MIPOL1: variants seen among roughly 807,000 people sequenced by gnomAD.
MIPOL1 encodes mirror-image polydactyly gene 1 protein.
A neutral mutation model predicts 60.9 loss-of-function variants in MIPOL1; 57 were observed. The ratio of observed to expected loss-of-function variants is 0.94; its 90% CI spans 0.76 to 1.17. The LOEUF (loss-of-function observed/expected upper bound fraction) is 1.17. Among genes scored for constraint, MIPOL1 ranks in the 50% most tolerant of loss-of-function variants. The pLI is 0.00. For missense variants in MIPOL1, 551 were observed against 511.6 expected (o/e 1.08, Z -0.74); for synonymous variants, 179 against 168.8 (o/e 1.06, Z -0.47).
At chr14:37,403,068 G>T (rs1479087173) in intron 10 of MIPOL1, among the ~76,000 whole-genome samples, 1 of 152,158 alleles carries the variant, frequency 6.6e-6, no homozygotes, top group Non-Finnish European at 1.5e-5. Context: ...GGAAAGGAGG[G>T]CTTCCCAATA....
At chr14:37,254,031 T>C (rs10149217) in intron 3 of MIPOL1, among the ~76,000 whole-genome samples, 83,923 of 151,370 alleles carry the variant, frequency 0.55, 25,183 homozygotes, top group Non-Finnish European at 0.67. Flanking sequence ...AGGACCTAGC[T>C]TAATAGAGTG....
Position 37,336,787 on chromosome 14 carries a change from G to A in MIPOL1, c.828+28268G>A, listed in dbSNP as rs150337440. ...TTTTATTTTTTTATTTTGAGACAGA[G>A]TTTCACTCTGTCGCCCAGGCTAGAG... On this transcript the variant is annotated intron_variant, in intron 9 of 12. Coordinates refer to ENST00000684589, the MANE Select transcript of MIPOL1 (RefSeq NM_001388067.1). 3.9e-5 allele frequency among the ~76,000 whole-genome samples: 6 copies of A among 151,906 alleles called. No individual in the cohort carries two copies. The East Asian group carries it at 1.2e-3, about 29-fold the overall frequency.
At chr14:37,406,351 T>C (rs2093587337) in intron 10 of MIPOL1, among the ~76,000 whole-genome samples, 1 of 152,116 alleles carries the variant, frequency 6.6e-6, no homozygotes, top group South Asian at 2.1e-4. Context: ...GTTCAGGTGA[T>C]GAAGTGTACT....
intron 9 of MIPOL1, among the ~76,000 whole-genome samples, chr14:37,351,333 A>G (rs1324264984): frequency 7.7e-6 from 1 of 129,154 alleles, no homozygotes; most frequent in Non-Finnish European, 1.7e-5. Context: ...GTTGGTTCCA[A>G]GTCTTTGCTA....
Position 37,550,513 on chromosome 14 carries a change from T to TATATATATATATATATATATATATATAC in MIPOL1, c.*3543_*3544insTATATATATATATATATATATATATACA, listed in dbSNP as rs1220895783. The TATATATATATATATATATATATATATAC allele has an allele frequency of 1.4e-5, 2 of 146,378 alleles. No homozygotes were observed. Among genetic ancestry groups the TATATATATATATATATATATATATATAC allele is most frequent in the African/African-American group, 5.1e-5 (2 of 39,434 alleles). The allele number at this position is 146,378 out of a possible 1,614,324, so 9.1% of individuals were successfully genotyped here. On this transcript the variant is annotated 3_prime_UTR_variant, in exon 13 of 13. Coordinates refer to ENST00000684589, the MANE Select transcript of MIPOL1 (RefSeq NM_001388067.1). ...TATTTTACATATATATATATATATA[T>TATATATATATATATATATATATATATAC]ACATGCACACACACCGATACATTTA...
In MIPOL1 at chr14:37,391,401, C is replaced by CT. The variant is rs10656096; in HGVS notation, c.936+21790dup. 8.0e-3 allele frequency among the ~76,000 whole-genome samples: 1,154 copies of CT among 144,912 alleles called. 18 individuals are homozygous for CT. Among genetic ancestry groups the CT allele is most frequent in the African/African-American group, 0.021 (814 of 39,506 alleles). On this transcript the variant is annotated intron_variant, in intron 10 of 12. Coordinates refer to ENST00000684589, the MANE Select transcript of MIPOL1 (RefSeq NM_001388067.1). ...AAATATTGATCTAATGAAGCCTAAT[C>CT]TTTTTTTTTTTTTGAGATAGAGTCT...
At chr14:37,228,821 G>A (rs1372047456) in intron 1 of MIPOL1, among the ~76,000 whole-genome samples, 1 of 152,200 alleles carries the variant, frequency 6.6e-6, no homozygotes, top group Non-Finnish European at 1.5e-5. Flanking sequence ...GCCAGGCACA[G>A]TGGCTCATAC....
chr14:37,524,154 C>T (rs1422113070), intron 12 of MIPOL1, among the ~76,000 whole-genome samples: 1 of 152,080 alleles, frequency 6.6e-6, no homozygotes, highest in Non-Finnish European at 1.5e-5. Flanking sequence ...GGATTTCAAT[C>T]CGGGATATAT....
At chr14:37,234,319 C>G (rs1971083916) in intron 1 of MIPOL1, among the ~76,000 whole-genome samples, 1 of 150,700 alleles carries the variant, frequency 6.6e-6, no homozygotes. Flanking sequence ...GCTTCATCTT[C>G]AATATTGTCT....
chr14:37,382,922 TC>T (rs1270559192), intron 10 of MIPOL1, among the ~76,000 whole-genome samples: 2 of 151,850 alleles, frequency 1.3e-5, no homozygotes, highest in Admixed American at 6.6e-5. Context: ...TATTTAAAAT[TC>T]GATACAAAAA....
At chr14:37,370,634 T>G (rs972312994) in intron 10 of MIPOL1, among the ~76,000 whole-genome samples, 1 of 152,108 alleles carries the variant, frequency 6.6e-6, no homozygotes, top group East Asian at 1.9e-4. Flanking sequence ...AAGTACGAGA[T>G]TTGGTGGAAG....
intron 1 of MIPOL1, among the ~76,000 whole-genome samples, chr14:37,225,990 T>G (rs2153288828): frequency 6.6e-6 from 1 of 152,308 alleles, no homozygotes; most frequent in South Asian, 2.1e-4. Flanking sequence ...TCTAGCCTCT[T>G]GCTAAAACAT....
chr14:37,474,132 ACAGACACATTATAGTTTGTT>A (rs1283995336), intron 11 of MIPOL1, among the ~76,000 whole-genome samples: 1 of 152,140 alleles, frequency 6.6e-6, no homozygotes, highest in African/African-American at 2.4e-5. Context: ...ATTCCATTGT[ACAGACACATTATAGTTTGTT>A]TATATATTCA....
chr14:37,353,973 T>A (rs1318181473), intron 9 of MIPOL1, among the ~76,000 whole-genome samples: 3 of 152,108 alleles, frequency 2.0e-5, no homozygotes, highest in African/African-American at 7.2e-5. Flanking sequence ...TGCTCTTGCT[T>A]TTCTGGTTTT....
intron 1 of MIPOL1, among the ~76,000 whole-genome samples, chr14:37,234,068 TTTC>T (rs1275091728): frequency 2.0e-5 from 3 of 152,214 alleles, no homozygotes; most frequent in Non-Finnish European, 4.4e-5. Flanking sequence ...TTATTTAAAA[TTTC>T]CATTGAAAGC....
rs146610052 is a variant in MIPOL1, at chr14:37,487,338, A to G, written c.1032-12570A>G. Among the ~76,000 whole-genome samples, 463 of 152,172 alleles carry G rather than the reference A, an allele frequency of 3.0e-3. 3 individuals carry two copies. The highest frequency in any genetic ancestry group is 0.01 in the African/African-American group (429 of 41,546). On this transcript the variant is annotated intron_variant, in intron 11 of 12. Transcript: ENST00000684589. Reference sequence around the variant, plus strand: ...CTCTGCCACGTTTTGGTATCAGGATAATGCTGGCCTCATAAAATGAGTTAG... The same window carrying G: ...CTCTGCCACGTTTTGGTATCAGGATGATGCTGGCCTCATAAAATGAGTTAG...
intron 12 of MIPOL1, 109 bp from the exon 13 acceptor site, chr14:37,546,795 CG>C: frequency 1.2e-6 from 1 of 806,770 alleles, no homozygotes; most frequent in Non-Finnish European, 2.1e-6. Flanking sequence ...TTAACATGAC[CG>C]TGAGGACTGC....
intron 11 of MIPOL1, among the ~76,000 whole-genome samples, chr14:37,454,464 G>A (rs1252309212): frequency 6.6e-6 from 1 of 152,188 alleles, no homozygotes; most frequent in African/African-American, 2.4e-5. Flanking sequence ...TAACAGCTGT[G>A]TGAAATAAGC....
At chr14:37,215,716 C>T (rs1457080874) in intron 1 of MIPOL1, among the ~76,000 whole-genome samples, 1 of 152,094 alleles carries the variant, frequency 6.6e-6, no homozygotes, top group East Asian at 1.9e-4. Flanking sequence ...AAAAACAAGA[C>T]CTGTTAATCT....
Sources: gnomAD v4.1 joint callset for allele counts (sites outside exome capture counted in the v4.1 genomes callset) on GRCh38, gnomAD v4.1.1 for gene constraint, MANE v1.5 for transcripts, NCBI Gene and HGNC (gene_info 2026-07-23, HGNC 2026-07-21) for gene names.